The following DSCAML1 variants were observed in gnomAD, a reference collection of about 807,000 sequenced individuals.
DSCAML1 encodes cell adhesion molecule DSCAML1.
Under a neutral mutation model 200.5 loss-of-function variants are expected in DSCAML1, and 38 were observed. That is an observed-to-expected ratio of 0.19 (90% CI 0.15 to 0.25). The LOEUF (loss-of-function observed/expected upper bound fraction) is 0.25, where lower values mean the gene tolerates loss of function less well. Among genes scored for constraint, DSCAML1 ranks in the 10% least tolerant of loss-of-function variants. The pLI is 1.00. For missense variants in DSCAML1, 2,223 were observed against 2,858.8 expected, an observed-to-expected ratio of 0.78 and a Z score of 5.07; for synonymous variants, 1,215 against 1,165.0, an observed-to-expected ratio of 1.04 and a Z score of -0.87.
intron 21 of DSCAML1, among the ~76,000 whole-genome samples, 194 bp downstream of exon 21, chr11:117,443,692 T>C (rs1463132719): frequency 6.6e-6 from 1 of 152,190 alleles, no homozygotes; most frequent in Non-Finnish European, 1.5e-5. Flanking sequence ...CAGCCTGTTG[T>C]GAGGCTTTGC....
chr11:117,464,844 C>T, intron 17 of DSCAML1, 98 bp downstream of exon 17: 1 of 1,540,128 alleles, frequency 6.5e-7, no homozygotes, highest in Non-Finnish European at 8.7e-7. Flanking sequence ...CAAAATGGGG[C>T]CCAGGGGCAA....
At chr11:117,722,801 G>C (rs1220675762) in intron 3 of DSCAML1, among the ~76,000 whole-genome samples, 2 of 152,182 alleles carry the variant, frequency 1.3e-5, no homozygotes, top group East Asian at 3.8e-4. Context: ...GGGTGTTTCA[G>C]ATATGTTGCT....
intron 3 of DSCAML1, among the ~76,000 whole-genome samples, chr11:117,606,327 C>T (rs1246569587): frequency 1.3e-5 from 2 of 152,178 alleles, no homozygotes; most frequent in Non-Finnish European, 2.9e-5. Flanking sequence ...CTTCACTGCC[C>T]CCCTGGAGAA....
intron 3 of DSCAML1, among the ~76,000 whole-genome samples, chr11:117,546,788 CT>C (rs1441007507): frequency 1.9e-4 from 29 of 152,156 alleles, no homozygotes; most frequent in Non-Finnish European, 2.1e-4. Flanking sequence ...AAATACAGCT[CT>C]ATCTTTCTCT....
chr11:117,588,193 G>A (rs2051187556), intron 3 of DSCAML1, among the ~76,000 whole-genome samples: 1 of 152,114 alleles, frequency 6.6e-6, no homozygotes. Context: ...CCTGAAGGAG[G>A]CCCAGGCATC....
intron 3 of DSCAML1, among the ~76,000 whole-genome samples, chr11:117,560,822 C>T (rs1020764726): frequency 6.6e-6 from 1 of 152,186 alleles, no homozygotes; most frequent in Admixed American, 6.5e-5. Flanking sequence ...CCATTCCCTC[C>T]AACAGCTTTA....
chr11:117,443,412 GTA>G (rs2048109570), intron 21 of DSCAML1, among the ~76,000 whole-genome samples: 1 of 152,256 alleles, frequency 6.6e-6, no homozygotes, highest in African/African-American at 2.4e-5. Flanking sequence ...CACGCGCTCC[GTA>G]AAGGTCTGCG....
chr11:117,599,645 T>A (rs2051428266), intron 3 of DSCAML1, among the ~76,000 whole-genome samples: 1 of 152,166 alleles, frequency 6.6e-6, no homozygotes, highest in African/African-American at 2.4e-5. Context: ...ACAAGACATC[T>A]GCCACCGCTC....
chr11:117,521,430 G>A (rs1302913056), intron 5 of DSCAML1, 25 bp from the exon 6 acceptor site: 9 of 1,604,066 alleles, frequency 5.6e-6, no homozygotes, highest in African/African-American at 5.4e-5. Context: ...GGAGACGTGA[G>A]GGGAAATGGG....
At chr11:117,673,822 G>A (rs575989396) in intron 3 of DSCAML1, among the ~76,000 whole-genome samples, 28 of 152,338 alleles carry the variant, frequency 1.8e-4, no homozygotes, top group Non-Finnish European at 3.8e-4. Context: ...ATTCCGGACA[G>A]CTGCCTGGGG....
At chr11:117,445,077 T>C (rs2048148911) in intron 20 of DSCAML1, among the ~76,000 whole-genome samples, 1 of 148,012 alleles carries the variant, frequency 6.8e-6, no homozygotes, top group Non-Finnish European at 1.5e-5. Context: ...CACACACACA[T>C]GTAGACGCAT....
intron 3 of DSCAML1, among the ~76,000 whole-genome samples, chr11:117,608,650 G>A (rs1476523145): frequency 2.0e-5 from 3 of 152,152 alleles, no homozygotes; most frequent in Non-Finnish European, 4.4e-5. Context: ...CCCCATTGTT[G>A]GGTATTTTGA....
At chr11:117,429,495 C>T (rs2047739721) in intron 32 of DSCAML1, among the ~76,000 whole-genome samples, 1 of 49,110 alleles carries the variant, frequency 2.0e-5, no homozygotes, top group Non-Finnish European at 5.8e-5. Flanking sequence ...CCTCCGCTTC[C>T]CGAGTAGCTG....
chr11:117,439,184 G>A (rs1399618204), intron 23 of DSCAML1, 82 bp downstream of exon 23: 10 of 1,550,006 alleles, frequency 6.5e-6, no homozygotes, highest in East Asian at 4.5e-5. Flanking sequence ...TCTTCCATTC[G>A]ATGACCCTCT....
intron 3 of DSCAML1, among the ~76,000 whole-genome samples, chr11:117,609,042 AAC>A (rs1491311474): frequency 0.018 from 2,692 of 149,262 alleles, 54 homozygotes; most frequent in East Asian, 0.074. Flanking sequence ...AAACAAAAAA[AAC>A]AAAAATTGTC....
At chr11:117,807,416 C>G (rs746955198) in intron 1 of DSCAML1, among the ~76,000 whole-genome samples, 1 of 152,140 alleles carries the variant, frequency 6.6e-6, no homozygotes, top group African/African-American at 2.4e-5. Context: ...TCTCCTCTGC[C>G]TGGGAGGAAA....
rs2048887487 is a variant in DSCAML1, at chr11:117,480,376, C to CACA, written c.2785+66_2785+67insTGT. The CACA allele has an allele frequency of 6.3e-7, 1 of 1,596,452 alleles. No individual in the cohort carries two copies. Among genetic ancestry groups the CACA allele is most frequent in the South Asian group, 1.1e-5 (1 of 87,928 alleles). ...TCAGGGGCTCTCCTCCCAGAGGGCA[C>CACA]AGGCAGGACACGTGGCACAAGGGGC... is the stretch of plus-strand genomic sequence containing the variant. On this transcript the variant is annotated intron_variant, in intron 14 of 32. Transcript: ENST00000651296. This position sits in a 1 kb window ranked among gnomAD's most constrained non-coding sequence, Gnocchi z 4.1.
chr11:117,449,203 G>C (rs1013925783), intron 20 of DSCAML1, among the ~76,000 whole-genome samples: 13 of 152,212 alleles, frequency 8.5e-5, no homozygotes, highest in Non-Finnish European at 1.8e-4. Context: ...CCTGGGAGGA[G>C]GGGCAGGCGG....
In DSCAML1 at chr11:117,797,020, C is replaced by A; in HGVS notation, c.46+14G>T. 7.0e-7 allele frequency: 1 copy of A among 1,438,050 alleles called. No homozygotes were observed. The highest frequency in any genetic ancestry group is 9.2e-7 in the Non-Finnish European group (1 of 1,087,812). The allele number at this position is 1,438,050 out of a possible 1,614,324, so 89.1% of individuals were successfully genotyped here. Reference sequence around the variant, plus strand: ...CCGCCGCCTCCGCCGCCCAGCCGCCCGCGCAGGTCTCACCTTTGTGTAAAG... The same window carrying A: ...CCGCCGCCTCCGCCGCCCAGCCGCCAGCGCAGGTCTCACCTTTGTGTAAAG... On this transcript the variant is annotated intron_variant, in intron 1 of 32. Transcript: ENST00000651296.
Sources: gnomAD v4.1 joint callset for allele counts (sites outside exome capture counted in the v4.1 genomes callset) on GRCh38, gnomAD v4.1.1 for gene constraint, Gnocchi (gnomAD v3.1) non-coding constraint, MANE v1.5 for transcripts, NCBI Gene and HGNC (gene_info 2026-07-23, HGNC 2026-07-21) for gene names.